Variants in SNTB1 observed in about 807,000 individuals in gnomAD.
SNTB1 encodes beta-1-syntrophin.
SNTB1 carries 36 observed loss-of-function variants against 48.9 expected under a neutral mutation model. The ratio of observed to expected loss-of-function variants is 0.74; its 90% CI spans 0.56 to 0.97. The LOEUF is 0.97. Among genes scored for constraint, SNTB1 ranks in the 50% least tolerant of loss-of-function variants. The pLI, the probability that SNTB1 is intolerant of heterozygous loss-of-function variation, is 0.00. For missense variants in SNTB1, 786 were observed against 703.4 expected (o/e 1.12, Z -1.33); for synonymous variants, 299 against 294.6 (o/e 1.01, Z -0.15).
At chr8:120,656,938 G>C (rs982772465) in intron 2 of SNTB1, among the ~76,000 whole-genome samples, 1 of 152,198 alleles carries the variant, frequency 6.6e-6, no homozygotes, top group African/African-American at 2.4e-5. Flanking sequence ...GCAGGGAAGA[G>C]AGAAGTGTCA....
intron 1 of SNTB1, among the ~76,000 whole-genome samples, chr8:120,776,197 A>G (rs1819733419): frequency 6.6e-6 from 1 of 152,164 alleles, no homozygotes; most frequent in Admixed American, 6.5e-5. Flanking sequence ...CAGATTACCA[A>G]TCCTCCATTC....
chr8:120,628,177 G>A (rs756820440), intron 3 of SNTB1, among the ~76,000 whole-genome samples: 1 of 152,132 alleles, frequency 6.6e-6, no homozygotes, highest in Non-Finnish European at 1.5e-5. Flanking sequence ...TTTGCAAACC[G>A]AGATAACAAG....
chr8:120,544,169 T>C (rs1453344917), intron 5 of SNTB1, among the ~76,000 whole-genome samples: 1 of 152,214 alleles, frequency 6.6e-6, no homozygotes, highest in African/African-American at 2.4e-5. Flanking sequence ...TTTTCCCCAA[T>C]GTTTAAATAA....
intron 2 of SNTB1, among the ~76,000 whole-genome samples, chr8:120,671,475 C>T (rs1324531092): frequency 6.6e-6 from 1 of 152,174 alleles, no homozygotes; most frequent in African/African-American, 2.4e-5. Flanking sequence ...TGCAGGGATG[C>T]AGCTACAAGC....
At chr8:120,774,927 T>C (rs1819705987) in intron 1 of SNTB1, among the ~76,000 whole-genome samples, 1 of 152,138 alleles carries the variant, frequency 6.6e-6, no homozygotes, top group Non-Finnish European at 1.5e-5. Flanking sequence ...GTGCTGAGAT[T>C]ACAGGCATGA....
chr8:120,750,879 G>T (rs548334188), intron 1 of SNTB1, among the ~76,000 whole-genome samples: 1 of 152,090 alleles, frequency 6.6e-6, no homozygotes, highest in Admixed American at 6.6e-5. Flanking sequence ...AGCTCCTGCA[G>T]AATCTAAAAG....
intron 3 of SNTB1, among the ~76,000 whole-genome samples, chr8:120,590,844 G>A (rs1816229588): frequency 6.6e-6 from 1 of 151,840 alleles, no homozygotes; most frequent in Non-Finnish European, 1.5e-5. Context: ...GCACCACCGT[G>A]CCTGGCTAAT....
chr8:120,596,587 G>A (rs1816329449), intron 3 of SNTB1, among the ~76,000 whole-genome samples: 1 of 152,152 alleles, frequency 6.6e-6, no homozygotes, highest in African/African-American at 2.4e-5. Context: ...TTAGGTTGTT[G>A]GCTGAATTCA....
At chr8:120,654,441 C>T (rs981325567) in intron 2 of SNTB1, among the ~76,000 whole-genome samples, 2 of 152,080 alleles carry the variant, frequency 1.3e-5, no homozygotes, top group African/African-American at 2.4e-5. Flanking sequence ...TGTAGTTCAG[C>T]GATAAAGTTC....
At chr8:120,637,106 C>A in intron 2 of SNTB1, 1 of 359,854 alleles carries the variant, frequency 2.8e-6, no homozygotes, top group Non-Finnish European at 5.5e-6. Flanking sequence ...CCAGTGTTTG[C>A]AGGCTTGGAA....
intron 2 of SNTB1, among the ~76,000 whole-genome samples, chr8:120,664,448 C>A (rs781275435): frequency 3.9e-5 from 6 of 152,176 alleles, no homozygotes; most frequent in African/African-American, 7.2e-5. Flanking sequence ...ATACATACCC[C>A]CCATGACAGT....
At chr8:120,759,678 T>C (rs186932479) in intron 1 of SNTB1, among the ~76,000 whole-genome samples, 1 of 152,300 alleles carries the variant, frequency 6.6e-6, no homozygotes, top group African/African-American at 2.4e-5. Flanking sequence ...GAAGTTCCTG[T>C]TCTACCAAAT....
At chr8:120,564,565 T>G (rs1012724480) in intron 4 of SNTB1, among the ~76,000 whole-genome samples, 1 of 4,456 alleles carries the variant, frequency 2.2e-4, no homozygotes, top group African/African-American at 7.0e-4. Context: ...ATTATTCTGG[T>G]TTTTTTTTTT....
At chr8:120,591,807 T>A (rs1816244003) in intron 3 of SNTB1, among the ~76,000 whole-genome samples, 1 of 152,114 alleles carries the variant, frequency 6.6e-6, no homozygotes, top group South Asian at 2.1e-4. Flanking sequence ...AGAGTGTGAT[T>A]TAGGATAAAG....
At chr8:120,770,151 A>G (rs1819595459) in intron 1 of SNTB1, among the ~76,000 whole-genome samples, 1 of 152,220 alleles carries the variant, frequency 6.6e-6, no homozygotes, top group South Asian at 2.1e-4. Flanking sequence ...AGCTACTTCA[A>G]CATCTGACTC....
intron 3 of SNTB1, among the ~76,000 whole-genome samples, chr8:120,616,744 T>C (rs905158820): frequency 1.3e-5 from 2 of 152,222 alleles, no homozygotes; most frequent in African/African-American, 4.8e-5. Context: ...GTCAAACTAA[T>C]CATTTCAACA....
intron 1 of SNTB1, among the ~76,000 whole-genome samples, chr8:120,798,193 C>G (rs941251114): frequency 1.3e-5 from 2 of 151,968 alleles, no homozygotes; most frequent in Admixed American, 1.3e-4. Flanking sequence ...TTAGAACCAC[C>G]TGGGGAACTT....
intron 1 of SNTB1, among the ~76,000 whole-genome samples, chr8:120,804,844 A>C (rs1043587007): frequency 1.3e-5 from 2 of 152,042 alleles, no homozygotes; most frequent in Non-Finnish European, 2.9e-5. Flanking sequence ...ACTCTTTCTT[A>C]GGCTACCTGA....
intron 1 of SNTB1, among the ~76,000 whole-genome samples, chr8:120,731,816 C>G (rs765116679): frequency 2.0e-5 from 3 of 152,200 alleles, no homozygotes. Context: ...ATACCATGGG[C>G]TTAATTCTGG....
Sources: allele counts gnomAD v4.1 joint callset (sites outside exome capture counted in the v4.1 genomes callset), GRCh38; gene constraint gnomAD v4.1.1; transcripts MANE v1.5; gene names NCBI Gene and HGNC (gene_info 2026-07-23, HGNC 2026-07-21).